Variants in POLN observed in about 807,000 individuals in gnomAD.
POLN encodes the protein DNA polymerase N.
In POLN, 108 loss-of-function variants were observed where a neutral mutation model predicts 113.5. The ratio of observed to expected loss-of-function variants is 0.95; its 90% confidence interval spans 0.81 to 1.12. The LOEUF is 1.12. Ranked by LOEUF, POLN falls within the 50% of genes most tolerant of loss-of-function variation. The probability of loss-of-function intolerance (pLI) is 0.00; values close to 1 mark genes in which losing one functional copy is unlikely to be tolerated. For synonymous variants in POLN, 386 were observed against 391.5 expected (o/e 0.99, Z 0.17); for missense variants, 1,097 against 1,077.1 (o/e 1.02, Z -0.26).
chr4:2,085,642 C>T lies in POLN; in HGVS notation c.2168G>A (p.Arg723Gln), dbSNP rs141418933. 4.4e-4 allele frequency: 705 copies of T among 1,613,962 alleles called. No individual in the cohort carries two copies. Among genetic ancestry groups the T allele is most frequent in the Non-Finnish European group, 5.7e-4 (675 of 1,180,048 alleles). The change falls in exon 21 of 26, where the codon CGA becomes CAA. Residue 723 changes from arginine (R) to glutamine (Q), a missense_variant. Arg to Gln is a conservative substitution (Grantham distance 43). Transcript: ENST00000511885. ...QKYKKIKDFA[R>Q]AAIAQCHQTG... is the part of the protein sequence containing the mutation. ...CTGGTGACACTGGGCAATAGCTGCT[C>T]GGGCGAAGTCCTTGATTTTCTTGTA...
intron 2 of POLN, among the ~76,000 whole-genome samples, chr4:2,237,680 A>T (rs753711147): frequency 4.6e-5 from 7 of 152,194 alleles, no homozygotes; most frequent in Non-Finnish European, 8.8e-5. Flanking sequence ...TAACCTACCT[A>T]TATTACAGGA....
At chr4:2,113,332 C>T (rs1026322119) in intron 19 of POLN, among the ~76,000 whole-genome samples, 7 of 151,512 alleles carry the variant, frequency 4.6e-5, no homozygotes, top group African/African-American at 1.7e-4. Flanking sequence ...CACATATATA[C>T]ATATGTAACA....
At chr4:2,239,705 A>C (rs928779340) in intron 2 of POLN, among the ~76,000 whole-genome samples, 8 of 152,214 alleles carry the variant, frequency 5.3e-5, no homozygotes, top group Non-Finnish European at 8.8e-5. Context: ...ATAATAAAGC[A>C]ATTAGTTTCT....
At chr4:2,180,304 G>A (rs1733103910) in intron 7 of POLN, among the ~76,000 whole-genome samples, 1 of 152,182 alleles carries the variant, frequency 6.6e-6, no homozygotes, top group African/African-American at 2.4e-5. Context: ...ATAAAAGGCT[G>A]GGGAGGTGGG....
rs570307248 is a variant in POLN, at chr4:2,095,713, A to T, written c.2065+138T>A. On this transcript the variant is annotated intron_variant, in intron 20 of 25. Transcript: ENST00000511885. ...GGGGTGGTCTGGCCAGTGTCTGGTGACTGCAGGTGTCATCAGAGCATAAAC... is the reference window on the plus strand; with the variant it reads ...GGGGTGGTCTGGCCAGTGTCTGGTGTCTGCAGGTGTCATCAGAGCATAAAC... The T allele has an allele frequency of 1.5e-3, 1,136 of 761,938 alleles. 19 individuals are homozygous for T. The South Asian group carries it at 0.017, about 11-fold the overall frequency. 47.2% of individuals were successfully genotyped at this position (761,938 alleles called of 1,614,324 possible). A position where few individuals can be genotyped will look rare whatever the true frequency, so the allele number is the denominator to read the frequency against.
chr4:2,176,134 C>T (rs1732989113), intron 9 of POLN, 132 bp downstream of exon 9: 3 of 749,686 alleles, frequency 4.0e-6, no homozygotes, highest in Admixed American at 4.9e-5. Context: ...CTGAGTAATG[C>T]ACAGGTTAAT....
chr4:2,185,396 C>T (rs533545652), intron 7 of POLN, among the ~76,000 whole-genome samples: 56 of 152,308 alleles, frequency 3.7e-4, no homozygotes, highest in African/African-American at 1.3e-3. Flanking sequence ...AAAACAACTG[C>T]AAGAGTGTAA....
chr4:2,187,048 T>A (rs1002660378), intron 7 of POLN, among the ~76,000 whole-genome samples: 1 of 152,050 alleles, frequency 6.6e-6, no homozygotes, highest in African/African-American at 2.4e-5. Flanking sequence ...GAAGATAGAC[T>A]ACTGGAAAAG....
At chr4:2,141,503 T>C (rs1732000862) in intron 16 of POLN, among the ~76,000 whole-genome samples, 1 of 152,196 alleles carries the variant, frequency 6.6e-6, no homozygotes, top group Non-Finnish European at 1.5e-5. Context: ...GCTGCCCATG[T>C]CCTTGCCCTG....
intron 2 of POLN, chr4:2,240,316 T>G: frequency 7.5e-6 from 12 of 1,607,462 alleles, no homozygotes; most frequent in Non-Finnish European, 1.0e-5. Context: ...AATGCTGCTG[T>G]GCTTTGCTCT....
intron 5 of POLN, among the ~76,000 whole-genome samples, chr4:2,204,960 A>G (rs183568271): frequency 6.6e-6 from 1 of 152,336 alleles, no homozygotes; most frequent in African/African-American, 2.4e-5. Flanking sequence ...AAAGCCATCT[A>G]TTATAAACCC....
chr4:2,213,198 A>G, intron 3 of POLN, 72 bp from the exon 4 acceptor site: 1 of 883,390 alleles, frequency 1.1e-6, no homozygotes, highest in Non-Finnish European at 1.8e-6. Flanking sequence ...CAGTTAACTA[A>G]ACACTGAAAT....
intron 19 of POLN, among the ~76,000 whole-genome samples, chr4:2,119,734 TTGC>T (rs1731398917): frequency 6.6e-6 from 1 of 152,218 alleles, no homozygotes; most frequent in African/African-American, 2.4e-5. Flanking sequence ...GTATTTGATC[TTGC>T]TGCTTTTTTA....
At chr4:2,108,016 C>G (rs972914815) in intron 19 of POLN, among the ~76,000 whole-genome samples, 5 of 138,662 alleles carry the variant, frequency 3.6e-5, no homozygotes, top group Non-Finnish European at 5.9e-5. Context: ...GCTCCTTTTG[C>G]CTGGTGAGCA....
At chr4:2,138,341 T>G (rs1156333679) in intron 16 of POLN, among the ~76,000 whole-genome samples, 2 of 152,182 alleles carry the variant, frequency 1.3e-5, no homozygotes, top group Admixed American at 1.3e-4. Context: ...TGGGAGCCAC[T>G]GGAGACTTTA....
intron 6 of POLN, among the ~76,000 whole-genome samples, chr4:2,195,073 T>C (rs1415567534): frequency 1.3e-5 from 2 of 152,142 alleles, no homozygotes; most frequent in Non-Finnish European, 2.9e-5. Context: ...TGAAAGGCCT[T>C]GCACAGGTCA....
intron 14 of POLN, among the ~76,000 whole-genome samples, chr4:2,158,157 G>C (rs1346146487): frequency 6.6e-6 from 1 of 152,142 alleles, no homozygotes. Flanking sequence ...TCGCCATGTT[G>C]GCCAGGCTGG....
At chr4:2,215,220 T>C (rs1478117018) in intron 3 of POLN, among the ~76,000 whole-genome samples, 1 of 152,168 alleles carries the variant, frequency 6.6e-6, no homozygotes, top group Non-Finnish European at 1.5e-5. Flanking sequence ...AAGAATGACC[T>C]TGTTAAAACA....
intron 14 of POLN, 53 bp from the exon 15 acceptor site, chr4:2,157,964 TG>T: frequency 6.9e-7 from 1 of 1,445,866 alleles, no homozygotes; most frequent in South Asian, 1.2e-5. Flanking sequence ...AGTCTTTTTT[TG>T]TGGGGGGAAG....
Sources: allele counts gnomAD v4.1 joint callset (sites outside exome capture counted in the v4.1 genomes callset), GRCh38; gene constraint gnomAD v4.1.1; transcripts MANE v1.5; gene names NCBI Gene and HGNC (gene_info 2026-07-23, HGNC 2026-07-21).